The following VAV2 variants were observed in gnomAD, a reference collection of about 807,000 sequenced individuals.
The protein encoded by VAV2 is guanine nucleotide exchange factor VAV2.
In VAV2, 67 loss-of-function variants were observed where a neutral mutation model predicts 132.5. The ratio of observed to expected loss-of-function variants is 0.51; its 90% confidence interval spans 0.42 to 0.62. The LOEUF is 0.62. Among genes scored for constraint, VAV2 ranks in the 20% least tolerant of loss-of-function variants. VAV2 has a pLI of 0.00. For synonymous variants in VAV2, 492 were observed against 443.5 expected (o/e 1.11, Z -1.37); for missense variants, 938 against 1,153.6 (o/e 0.81, Z 2.71).
chr9:133,838,574 G>C (rs1836573067), intron 3 of VAV2, among the ~76,000 whole-genome samples: 1 of 139,272 alleles, frequency 7.2e-6, no homozygotes. Flanking sequence ...TGGGTGGGTG[G>C]CTAGATGGAT....
chr9:133,877,282 C>T (rs868419624), intron 2 of VAV2, among the ~76,000 whole-genome samples: 2 of 152,184 alleles, frequency 1.3e-5, no homozygotes, highest in Non-Finnish European at 2.9e-5. Context: ...CTCTGCACAA[C>T]GATGCCAAGA....
At chr9:133,977,969 G>A (rs188634651) in intron 1 of VAV2, among the ~76,000 whole-genome samples, 270 of 104,186 alleles carry the variant, frequency 2.6e-3, no homozygotes, top group African/African-American at 0.015. Context: ...GATGTCCTAC[G>A]TGTATGCGTC....
At chr9:133,787,853 CA>C (rs1451172064) in intron 15 of VAV2, among the ~76,000 whole-genome samples, 3 of 152,048 alleles carry the variant, frequency 2.0e-5, no homozygotes, top group African/African-American at 7.2e-5. Flanking sequence ...GCCCTGGCCC[CA>C]CCCCAGCAGC....
In VAV2 at chr9:133,833,543, C is replaced by T. The variant is rs144243893; in HGVS notation, c.449+729G>A. ...TGGGAGGGTGGTGGATGAGCCAGGC[C>T]GTGAGGCCCCAGCAAGGATGCTCGG... On this transcript the variant is annotated intron_variant, in intron 4 of 29. Transcript: ENST00000371850. The surrounding 1 kb of genome is among the most constrained non-coding windows in gnomAD (Gnocchi z 5.6). Among the ~76,000 whole-genome samples the T allele has an allele frequency of 3.9e-5, 6 of 152,276 alleles. No individual in the cohort carries two copies. In the East Asian group the frequency reaches 1.2e-3, roughly 30 times the overall value.
chr9:133,980,908 T>G (rs777483032), intron 1 of VAV2, among the ~76,000 whole-genome samples: 3 of 150,148 alleles, frequency 2.0e-5, no homozygotes, highest in Non-Finnish European at 4.4e-5. Context: ...TCTCCAACCC[T>G]TAGCTACCAA....
At chr9:133,856,971 G>A (rs113680732) in intron 3 of VAV2, among the ~76,000 whole-genome samples, 2,853 of 152,266 alleles carry the variant, frequency 0.019, 46 homozygotes, top group African/African-American at 0.039. Context: ...TGCGCTGCAC[G>A]ATGCACAGAC....
intron 1 of VAV2, among the ~76,000 whole-genome samples, chr9:133,970,080 C>T (rs1320734523): frequency 2.6e-5 from 4 of 152,144 alleles, no homozygotes; most frequent in Non-Finnish European, 4.4e-5. Flanking sequence ...CCTCCACCCT[C>T]CCTGCCCACT....
Position 133,834,212 on chromosome 9 carries a change from C to T in VAV2, c.449+60G>A, listed in dbSNP as rs928250764. 2.6e-6 allele frequency: 4 copies of T among 1,551,092 alleles called. No homozygotes were observed. Among genetic ancestry groups the T allele is most frequent in the Non-Finnish European group, 2.6e-6 (3 of 1,142,992 alleles). ...TGTTTCCTCCTGACTCCCTGGACACCACCAGGAACCTCCCTGCCCCTCCCT... is the reference window on the plus strand; with the variant it reads ...TGTTTCCTCCTGACTCCCTGGACACTACCAGGAACCTCCCTGCCCCTCCCT... On this transcript the variant is annotated intron_variant, in intron 4 of 29. Transcript: ENST00000371850. The surrounding 1 kb of genome is among the most constrained non-coding windows in gnomAD (Gnocchi z 5.9).
chr9:133,959,989 T>A (rs1333853001), intron 1 of VAV2, among the ~76,000 whole-genome samples: 1 of 152,188 alleles, frequency 6.6e-6, no homozygotes, highest in East Asian at 1.9e-4. Flanking sequence ...TTGTGGTCAT[T>A]TGCTGTGGCA....
At position 133,823,972 on chromosome 9, in the gene VAV2, C is replaced by G. The variant is rs906723343; in HGVS notation, c.449+10300G>C. ...CACTGAGAAGGAACAAACGGCCTCT[C>G]CCTCAGTGGTGGGGGTGGGGGAGCA... On this transcript the variant is annotated intron_variant, in intron 4 of 29. Transcript: ENST00000371850. The surrounding 1 kb of genome is among the most constrained non-coding windows in gnomAD (Gnocchi z 5.5). Among the ~76,000 whole-genome samples, 2 of 152,174 alleles carry G rather than the reference C, an allele frequency of 1.3e-5. No individual in the cohort carries two copies. Among genetic ancestry groups the G allele is most frequent in the African/African-American group, 4.8e-5 (2 of 41,432 alleles).
chr9:133,948,980 G>A (rs1732672687), intron 1 of VAV2, among the ~76,000 whole-genome samples: 1 of 152,206 alleles, frequency 6.6e-6, no homozygotes. Flanking sequence ...AACCTGGGAG[G>A]AGGGAGGGTC....
chr9:133,985,118 T>C lies in VAV2; in HGVS notation c.204+6957A>G, dbSNP rs866985239. 5.3e-5 allele frequency among the ~76,000 whole-genome samples: 8 copies of C among 152,098 alleles called. No individual in the cohort carries two copies. In the South Asian group the frequency reaches 1.0e-3, roughly 20 times the overall value. On this transcript the variant is annotated intron_variant, in intron 1 of 29. Transcript: ENST00000371850. The stretch of plus-strand genomic sequence containing the variant: ...ATGGATACAGAGACACATACATAAA[T>C]AAATACATACACACACATACACCAA...
intron 4 of VAV2, among the ~76,000 whole-genome samples, chr9:133,825,933 A>G (rs1168370673): frequency 3.3e-5 from 5 of 152,230 alleles, no homozygotes; most frequent in African/African-American, 4.8e-5. Context: ...TATCCCAATG[A>G]TGCTAACATG....
chr9:133,887,636 C>T (rs2131959205), intron 2 of VAV2, among the ~76,000 whole-genome samples: 1 of 152,220 alleles, frequency 6.6e-6, no homozygotes, highest in African/African-American at 2.4e-5. Context: ...CTCCACTTAC[C>T]CCCAGCAGAG....
intron 1 of VAV2, among the ~76,000 whole-genome samples, chr9:133,945,917 C>T (rs1841342028): frequency 6.6e-6 from 1 of 152,372 alleles, no homozygotes; most frequent in South Asian, 2.1e-4. Flanking sequence ...AGCCACACAG[C>T]TTCTCTGTAC....
chr9:133,975,002 A>C (rs1842460828), intron 1 of VAV2, among the ~76,000 whole-genome samples: 2 of 152,210 alleles, frequency 1.3e-5, no homozygotes, highest in African/African-American at 4.8e-5. Context: ...GGCAGAACCC[A>C]GCGTGCGTCA....
rs1347082091 is a variant in VAV2 at position 133,802,320 on chromosome 9, G to A, written c.836+3761C>T. Among the ~76,000 whole-genome samples, 10 of 94,520 alleles carry A rather than the reference G, an allele frequency of 1.1e-4. No individual in the cohort carries two copies. Among genetic ancestry groups the A allele is most frequent in the South Asian group, 4.6e-4 (1 of 2,154 alleles). 62.0% of individuals were successfully genotyped at this position (94,520 alleles called of 152,430 possible). A position where few individuals can be genotyped will look rare whatever the true frequency, so the allele number is the denominator to read the frequency against. ...TGTGCACACAAACACACAAGCACGC[G>A]TGTACACACACACACACACACACAC... is the stretch of plus-strand genomic sequence containing the variant. On this transcript the variant is annotated intron_variant, in intron 9 of 29. Coordinates refer to ENST00000371850, the MANE Select transcript of VAV2 (RefSeq NM_001134398.2). This position sits in a 1 kb window ranked among gnomAD's most constrained non-coding sequence, Gnocchi z 5.8.
In VAV2 at chr9:133,922,254, C is replaced by G. The variant is rs564378601; in HGVS notation, c.321+16849G>C. Among the ~76,000 whole-genome samples the G allele has an allele frequency of 3.5e-4, 54 of 152,350 alleles. 2 individuals are homozygous for G. The East Asian group carries it at 0.01, about 29-fold the overall frequency. ...GTCCTCCCTCTGGCTCTGTCATAGC[C>G]GTGACCCCAGAGCGTCTACCTGCCT... On this transcript the variant is annotated intron_variant, in intron 2 of 29. Coordinates refer to ENST00000371850, the MANE Select transcript of VAV2 (RefSeq NM_001134398.2).
chr9:133,924,317 G>A (rs1382280693), intron 2 of VAV2, among the ~76,000 whole-genome samples: 1 of 152,050 alleles, frequency 6.6e-6, no homozygotes, highest in African/African-American at 2.4e-5. Context: ...CGAGTAGCTG[G>A]GGTAGACTAC....
Sources: gnomAD v4.1 joint callset for allele counts (sites outside exome capture counted in the v4.1 genomes callset) on GRCh38, gnomAD v4.1.1 for gene constraint, Gnocchi (gnomAD v3.1) non-coding constraint, MANE v1.5 for transcripts, NCBI Gene and HGNC (gene_info 2026-07-23, HGNC 2026-07-21) for gene names.